NDNF: variants seen among roughly 807,000 people sequenced by gnomAD.
NDNF encodes the protein protein NDNF.
In NDNF, 16 loss-of-function variants were observed where a neutral mutation model predicts 42.0. That is an observed-to-expected ratio of 0.38 (90% CI 0.26 to 0.58). The LOEUF (loss-of-function observed/expected upper bound fraction) is 0.58. Ranked by LOEUF, NDNF falls within the 20% of genes least tolerant of loss-of-function variation. The pLI is 0.67. For missense variants in NDNF, 616 were observed against 666.2 expected (o/e 0.92, Z 0.83); for synonymous variants, 248 against 251.7 (o/e 0.99, Z 0.14).
At chr4:121,054,822 G>A (rs1727256468) in intron 1 of NDNF, among the ~76,000 whole-genome samples, 1 of 152,064 alleles carries the variant, frequency 6.6e-6, no homozygotes, top group Non-Finnish European at 1.5e-5. Flanking sequence ...AAGCGTGTTG[G>A]GAAGGCCCCC....
intron 2 of NDNF, among the ~76,000 whole-genome samples, chr4:121,042,159 T>C (rs1365338599): frequency 1.3e-5 from 2 of 152,230 alleles, no homozygotes; most frequent in Non-Finnish European, 2.9e-5. Flanking sequence ...CTGTTAGGGT[T>C]CATTTATCAC....
chr4:121,045,225 G>A (rs551460855), intron 2 of NDNF, among the ~76,000 whole-genome samples: 196 of 152,120 alleles, frequency 1.3e-3, no homozygotes, highest in Non-Finnish European at 1.9e-3. Context: ...GGTGGAGGAC[G>A]CCTGTAGTCC....
Position 121,036,526 on chromosome 4 carries a change from T to C in NDNF, c.1445A>G (p.Lys482Arg). ...ATTGTAGTTATCATCCACTTCTTTT[T>C]TGTAGATGCAAAACTTGTTCCTTTC... is the stretch of plus-strand genomic sequence containing the variant. ...TQERNKFCIY[K>R]KEVDDNYNED... is the part of the protein sequence containing the mutation. The change falls in exon 4 of 4, where the codon AAA becomes AGA. Residue 482 changes from lysine (K) to arginine (R), a missense_variant. Lys to Arg is a conservative substitution (Grantham distance 26). Coordinates refer to ENST00000379692, the MANE Select transcript of NDNF (RefSeq NM_024574.4). 1 of 1,614,214 alleles carries C rather than the reference T, an allele frequency of 6.2e-7. No homozygotes were observed. The highest frequency in any genetic ancestry group is 8.5e-7 in the Non-Finnish European group (1 of 1,180,030).
Position 121,045,628 on chromosome 4 carries a change from G to A in NDNF, c.188+22C>T, listed in dbSNP as rs767089525. On this transcript the variant is annotated intron_variant, in intron 2 of 3. Transcript: ENST00000379692. ...CATCCTTTGTGAGCTTTTTAATAAA[G>A]AAAATACTGCAGGGAGAATACCTCT... 9 of 1,598,802 alleles carry A rather than the reference G, an allele frequency of 5.6e-6. No homozygotes were observed. The East Asian group carries it at 1.6e-4, about 28-fold the overall frequency.
intron 1 of NDNF, among the ~76,000 whole-genome samples, chr4:121,058,503 G>T (rs796798201): frequency 6.6e-6 from 1 of 152,128 alleles, no homozygotes; most frequent in Non-Finnish European, 1.5e-5. Context: ...ACTGCTCCGA[G>T]CCTCGGTTTC....
chr4:121,042,793 G>A (rs1214303078), intron 2 of NDNF, among the ~76,000 whole-genome samples: 2 of 152,090 alleles, frequency 1.3e-5, no homozygotes, highest in East Asian at 1.9e-4. Flanking sequence ...GCTAAGCAAC[G>A]GCACAGAAGA....
intron 1 of NDNF, among the ~76,000 whole-genome samples, chr4:121,051,755 G>T (rs1344094664): frequency 6.6e-6 from 1 of 152,122 alleles, no homozygotes; most frequent in Non-Finnish European, 1.5e-5. Flanking sequence ...ACAGTGATAA[G>T]AAATAAATCT....
At chr4:121,064,329 T>C (rs1727463900) in intron 1 of NDNF, among the ~76,000 whole-genome samples, 1 of 152,140 alleles carries the variant, frequency 6.6e-6, no homozygotes, top group South Asian at 2.1e-4. Context: ...TATATTATTA[T>C]TATTAATAAA....
In NDNF at chr4:121,042,383, C is replaced by G. The variant is rs147334555; in HGVS notation, c.189-2329G>C. On this transcript the variant is annotated intron_variant, in intron 2 of 3. Transcript: ENST00000379692. ...AGTACTTCCCCCAGCCACCACCATT[C>G]AAAGATGCTTTTGGAGATGGAGAAT... 2.3e-4 allele frequency among the ~76,000 whole-genome samples: 35 copies of G among 152,308 alleles called. No individual in the cohort carries two copies. In the East Asian group the frequency reaches 4.8e-3, roughly 21 times the overall value.
At chr4:121,065,277 A>C (rs1727480258) in intron 1 of NDNF, among the ~76,000 whole-genome samples, 1 of 151,854 alleles carries the variant, frequency 6.6e-6, no homozygotes. Context: ...GTGACTATAA[A>C]TAGATCTTCT....
At chr4:121,047,894 T>G (rs1440262355) in intron 1 of NDNF, among the ~76,000 whole-genome samples, 2 of 151,988 alleles carry the variant, frequency 1.3e-5, no homozygotes, top group South Asian at 2.1e-4. Flanking sequence ...TGGGAGCTCA[T>G]GAGAGTTGCT....
chr4:121,055,888 A>G (rs1380661354), intron 1 of NDNF, among the ~76,000 whole-genome samples: 2 of 152,146 alleles, frequency 1.3e-5, no homozygotes, highest in African/African-American at 4.8e-5. Flanking sequence ...TTTGAGGCCA[A>G]CCCATTTGTT....
chr4:121,037,735 T>TTA, intron 3 of NDNF, 78 bp from the exon 4 acceptor site: 3 of 1,013,046 alleles, frequency 3.0e-6, no homozygotes, highest in Non-Finnish European at 4.3e-6. Context: ...TCCTTTTATC[T>TTA]TATTTTTTCT....
chr4:121,037,126 G>A lies in NDNF; in HGVS notation c.845C>T (p.Ser282Phe), dbSNP rs772379451. The A allele has an allele frequency of 1.9e-6, 3 of 1,613,958 alleles. No homozygotes were observed. The highest frequency in any genetic ancestry group is 1.1e-5 in the South Asian group (1 of 91,072). Residue 282 changes from serine (S) to phenylalanine (F), a missense_variant, in exon 4 of 4, where the codon TCC becomes TTC. Physicochemically the swap from Ser to Phe is radical, Grantham distance 155. Transcript: ENST00000379692. ...PSPKLGRHVY[S>F]RPKVDIQKIC... ...TTTCTGAATATCAACCTTGGGCCTG[G>A]AGTAGACATGACGCCCCAGTTTTGG... is the stretch of plus-strand genomic sequence containing the variant.
intron 1 of NDNF, among the ~76,000 whole-genome samples, chr4:121,052,479 ATTTTC>A (rs1727217001): frequency 6.6e-6 from 1 of 152,146 alleles, no homozygotes; most frequent in African/African-American, 2.4e-5. Flanking sequence ...GATTTCTGTT[ATTTTC>A]TTTTCCTTTC....
At chr4:121,071,815 C>A (rs1727609887) in intron 1 of NDNF, 178 bp downstream of exon 1, 1 of 151,850 alleles carries the variant, frequency 6.6e-6, no homozygotes, top group Non-Finnish European at 1.5e-5. Context: ...CTCATGCCCT[C>A]AGCTCCTACG....
chr4:121,065,560 C>G (rs550946888), intron 1 of NDNF, among the ~76,000 whole-genome samples: 2 of 151,438 alleles, frequency 1.3e-5, no homozygotes, highest in South Asian at 2.1e-4. Flanking sequence ...TTTTCTAATT[C>G]CTGGACAGCT....
At chr4:121,071,171 G>A (rs561077795) in intron 1 of NDNF, among the ~76,000 whole-genome samples, 1 of 152,296 alleles carries the variant, frequency 6.6e-6, no homozygotes, top group East Asian at 1.9e-4. Context: ...GCGCGGGTGA[G>A]AGCGAACCCC....
rs146190235 is a variant in NDNF, at chr4:121,037,129, T to C, written c.842A>G (p.Tyr281Cys). Residue 281 changes from tyrosine to cysteine, a missense_variant, in exon 4 of 4, where the codon TAC (tyrosine) becomes TGC (cysteine). Physicochemically the swap from Tyr to Cys is radical, Grantham distance 194 (BLOSUM62 -2). Transcript: ENST00000379692. ...CTGAATATCAACCTTGGGCCTGGAG[T>C]AGACATGACGCCCCAGTTTTGGAGA... ...KPSPKLGRHV[Y>C]SRPKVDIQKI... The C allele has an allele frequency of 1.4e-5, 22 of 1,613,748 alleles. No individual in the cohort carries two copies. The highest frequency in any genetic ancestry group is 1.8e-5 in the Non-Finnish European group (21 of 1,180,008).
Sources: allele counts gnomAD v4.1 joint callset (sites outside exome capture counted in the v4.1 genomes callset), GRCh38; gene constraint gnomAD v4.1.1; transcripts MANE v1.5; gene names NCBI Gene and HGNC (gene_info 2026-07-23, HGNC 2026-07-21).